KCNAB1: variants seen among roughly 807,000 people sequenced by gnomAD.
KCNAB1 encodes the protein voltage-gated potassium channel subunit beta-1.
KCNAB1 carries 35 observed loss-of-function variants against 64.6 expected under a neutral mutation model. The ratio of observed to expected loss-of-function variants is 0.54; its 90% CI spans 0.41 to 0.72. The LOEUF is 0.72. KCNAB1 is among the 30% of genes least tolerant of loss of function. The probability of loss-of-function intolerance (pLI) is 0.00; values close to 1 mark genes in which losing one functional copy is unlikely to be tolerated. For synonymous variants in KCNAB1, 177 were observed against 183.8 expected (o/e 0.96, Z 0.30); for missense variants, 401 against 512.9 (o/e 0.78, Z 2.11).
chr3:156,134,853 T>G lies in KCNAB1; in HGVS notation c.275+13967T>G, dbSNP rs1560101879. ...TCTATAGCAGAGACACACTGAGGGC[T>G]TTTCAGTGGATTGTTTTTCAACAGT... On this transcript the variant is annotated intron_variant, in intron 1 of 13. Coordinates refer to ENST00000490337, the MANE Select transcript of KCNAB1 (RefSeq NM_172160.3). Among the ~76,000 whole-genome samples, 5 of 152,184 alleles carry G rather than the reference T, an allele frequency of 3.3e-5. No individual in the cohort carries two copies. In the South Asian group the frequency reaches 6.2e-4, roughly 19 times the overall value.
At chr3:156,351,138 C>CT (rs1553850978) in intron 1 of KCNAB1, among the ~76,000 whole-genome samples, 4 of 152,258 alleles carry the variant, frequency 2.6e-5, no homozygotes, top group African/African-American at 7.2e-5. Context: ...AGACTGCTGA[C>CT]TTTTTCAAGT....
At chr3:156,517,742 G>A (rs1336830598) in intron 11 of KCNAB1, among the ~76,000 whole-genome samples, 1 of 152,224 alleles carries the variant, frequency 6.6e-6, no homozygotes, top group African/African-American at 2.4e-5. Context: ...GTTGTCATAT[G>A]TTCTTTCAGA....
intron 1 of KCNAB1, among the ~76,000 whole-genome samples, chr3:156,361,278 C>T (rs1351753130): frequency 6.6e-6 from 1 of 152,104 alleles, no homozygotes; most frequent in East Asian, 1.9e-4. Context: ...CCTAGCCATC[C>T]ACGTGGCTGT....
At chr3:156,374,261 C>T (rs550753107) in intron 1 of KCNAB1, among the ~76,000 whole-genome samples, 1 of 152,310 alleles carries the variant, frequency 6.6e-6, no homozygotes, top group South Asian at 2.1e-4. Flanking sequence ...GAATTTACCT[C>T]AGAGAACTTT....
chr3:156,266,581 A>G (rs919028338), intron 1 of KCNAB1, among the ~76,000 whole-genome samples: 4 of 152,210 alleles, frequency 2.6e-5, no homozygotes, highest in South Asian at 4.1e-4. Flanking sequence ...GAGGCCAACT[A>G]TAGAGAGGGT....
Position 156,537,415 on chromosome 3 carries a change from G to A in KCNAB1, c.*668G>A. On this transcript the variant is annotated 3_prime_UTR_variant, in exon 14 of 14. Coordinates refer to ENST00000490337, the MANE Select transcript of KCNAB1 (RefSeq NM_172160.3). ...CTTTATTACCTTTCAAATATTTACTGTTGCTTGGCCCCAAGAATGGCCTTG... is the reference window on the plus strand; with the variant it reads ...CTTTATTACCTTTCAAATATTTACTATTGCTTGGCCCCAAGAATGGCCTTG... 5.8e-6 allele frequency: 1 copy of A among 173,082 alleles called. No homozygotes were observed. The highest frequency in any genetic ancestry group is 1.2e-5 in the Non-Finnish European group (1 of 82,120). The allele number at this position is 173,082 out of a possible 1,614,324, so 10.7% of individuals were successfully genotyped here. A position where few individuals can be genotyped will look rare whatever the true frequency, so the allele number is the denominator to read the frequency against.
chr3:156,358,654 G>A (rs1725412314), intron 1 of KCNAB1, among the ~76,000 whole-genome samples: 2 of 146,706 alleles, frequency 1.4e-5, no homozygotes. Context: ...TCCCTGGTAG[G>A]GTTTTTCTCT....
chr3:156,227,452 G>A (rs1280933318), intron 1 of KCNAB1, among the ~76,000 whole-genome samples: 1 of 152,098 alleles, frequency 6.6e-6, no homozygotes, highest in African/African-American at 2.4e-5. Flanking sequence ...CTTTCTCTCC[G>A]ATTTCAGTGA....
At chr3:156,535,788 T>C (rs528679069) in intron 13 of KCNAB1, among the ~76,000 whole-genome samples, 1 of 115,986 alleles carries the variant, frequency 8.6e-6, no homozygotes, top group East Asian at 2.6e-4. Flanking sequence ...TGGATTGTAA[T>C]ACATATCTAA....
chr3:156,248,923 G>A (rs1717634760), intron 1 of KCNAB1, among the ~76,000 whole-genome samples: 1 of 152,116 alleles, frequency 6.6e-6, no homozygotes, highest in Admixed American at 6.5e-5. Flanking sequence ...AGGAGTCCAT[G>A]TGCCTATGTT....
chr3:156,295,696 AT>A (rs1160292702), intron 1 of KCNAB1, among the ~76,000 whole-genome samples: 8 of 152,184 alleles, frequency 5.3e-5, no homozygotes, highest in African/African-American at 1.4e-4. Context: ...ATAACACAGG[AT>A]TATTCCTTTC....
At chr3:156,538,645 G>T (rs1360775471), downstream of KCNAB1, 2 of 152,160 alleles carry the variant, frequency 1.3e-5, no homozygotes, top group African/African-American at 4.8e-5. Flanking sequence ...AGGCTTATGT[G>T]TATTTTCCAT....
At chr3:156,436,711 C>T (rs577326939) in intron 2 of KCNAB1, among the ~76,000 whole-genome samples, 1 of 152,328 alleles carries the variant, frequency 6.6e-6, no homozygotes, top group South Asian at 2.1e-4. Flanking sequence ...GCATAAATGT[C>T]TTCTTTTGAG....
chr3:156,489,484 G>T (rs1339799118), intron 8 of KCNAB1, among the ~76,000 whole-genome samples: 1 of 152,086 alleles, frequency 6.6e-6, no homozygotes, highest in Non-Finnish European at 1.5e-5. Context: ...TAACAATGTG[G>T]AAATCTTTAA....
intron 2 of KCNAB1, among the ~76,000 whole-genome samples, chr3:156,430,342 A>C (rs549319676): frequency 6.6e-6 from 1 of 152,310 alleles, no homozygotes; most frequent in African/African-American, 2.4e-5. Context: ...ACCCATGTGC[A>C]TGCATGCACG....
At chr3:156,130,513 C>T (rs1713933526) in intron 1 of KCNAB1, among the ~76,000 whole-genome samples, 1 of 152,200 alleles carries the variant, frequency 6.6e-6, no homozygotes. Context: ...TTTTTATGAT[C>T]TTCACTTTGT....
chr3:156,244,929 C>CG (rs1717368006), intron 1 of KCNAB1, among the ~76,000 whole-genome samples: 1 of 152,192 alleles, frequency 6.6e-6, no homozygotes, highest in Non-Finnish European at 1.5e-5. Context: ...TTTGCATTAT[C>CG]GCCTCTAGAG....
At chr3:156,219,733 T>A (rs917315268) in intron 1 of KCNAB1, among the ~76,000 whole-genome samples, 14 of 147,410 alleles carry the variant, frequency 9.5e-5, no homozygotes, top group Admixed American at 5.4e-4. Flanking sequence ...TTATTATTAT[T>A]ATACTTTAAG....
intron 1 of KCNAB1, among the ~76,000 whole-genome samples, chr3:156,209,768 A>G (rs1400973333): frequency 1.3e-5 from 2 of 152,240 alleles, no homozygotes; most frequent in African/African-American, 2.4e-5. Context: ...AATTTATTTC[A>G]AAGAGTTTAT....
Sources: gnomAD v4.1 joint callset for allele counts (sites outside exome capture counted in the v4.1 genomes callset) on GRCh38, gnomAD v4.1.1 for gene constraint, MANE v1.5 for transcripts, NCBI Gene and HGNC (gene_info 2026-07-23, HGNC 2026-07-21) for gene names.